Variants in TESPA1 observed in about 807,000 individuals in gnomAD.
TESPA1 encodes thymocyte expressed, positive selection associated 1.
Under a neutral mutation model 57.9 loss-of-function variants are expected in TESPA1, and 33 were observed. The ratio of observed to expected loss-of-function variants is 0.57; its 90% CI spans 0.43 to 0.76. The LOEUF is 0.76. Among genes scored for constraint, TESPA1 ranks in the 30% least tolerant of loss-of-function variants. The pLI, the probability that TESPA1 is intolerant of heterozygous loss-of-function variation, is 0.00. For missense variants in TESPA1, 618 were observed against 632.9 expected (o/e 0.98, Z 0.25); for synonymous variants, 227 against 228.9 (o/e 0.99, Z 0.07).
At chr12:54,967,733 T>C in intron 4 of TESPA1, 110 bp downstream of exon 4, 1 of 1,293,994 alleles carries the variant, frequency 7.7e-7, no homozygotes, top group Middle Eastern at 1.9e-4. Flanking sequence ...ACTCAGGGAC[T>C]CTTTTGCATG....
intron 8 of TESPA1, among the ~76,000 whole-genome samples, 182 bp downstream of exon 8, chr12:54,963,556 ATTTC>A (rs1019746850): frequency 6.6e-6 from 1 of 152,214 alleles, no homozygotes; most frequent in African/African-American, 2.4e-5. Flanking sequence ...CTTAAAGGCT[ATTTC>A]TTTAAGAGAA....
intron 3 of TESPA1, 54 bp from the exon 4 acceptor site, chr12:54,967,946 G>A: frequency 6.2e-7 from 1 of 1,610,702 alleles, no homozygotes; most frequent in Non-Finnish European, 8.5e-7. Context: ...TTTCCAAGGA[G>A]CTTTTTCATG....
intron 1 of TESPA1, among the ~76,000 whole-genome samples, chr12:54,977,167 G>C (rs146767527): frequency 9.2e-5 from 14 of 152,122 alleles, no homozygotes; most frequent in African/African-American, 3.4e-4. Context: ...AGCTCCACGA[G>C]GACAGAAATT....
rs748022523 is a variant in TESPA1 at position 54,973,559 on chromosome 12, G to A, written c.164-40C>T. 11 of 1,613,594 alleles carry A rather than the reference G, an allele frequency of 6.8e-6. No homozygotes were observed. In the Admixed American group the frequency reaches 8.3e-5, roughly 12 times the overall value. ...CACTAGATCACTGTGAGAACTGAAC[G>A]AAATCAGACCTCCTCCCTGCAACTA... On this transcript the variant is annotated intron_variant, in intron 2 of 10. Coordinates refer to ENST00000449076, the MANE Select transcript of TESPA1 (RefSeq NM_001136030.3).
chr12:54,957,818 A>G (rs1223001131), intron 10 of TESPA1, among the ~76,000 whole-genome samples: 1 of 152,224 alleles, frequency 6.6e-6, no homozygotes, highest in East Asian at 1.9e-4. Context: ...ATTTTTTGTA[A>G]GACTCATAAT....
intron 6 of TESPA1, 79 bp from the exon 7 acceptor site, chr12:54,966,230 A>G: frequency 6.4e-7 from 1 of 1,563,080 alleles, no homozygotes; most frequent in Non-Finnish European, 8.7e-7. Context: ...TGCTGGACTT[A>G]TTCACCCCCT....
At chr12:54,978,585 G>C (rs572020791) in intron 1 of TESPA1, among the ~76,000 whole-genome samples, 1 of 152,258 alleles carries the variant, frequency 6.6e-6, no homozygotes, top group African/African-American at 2.4e-5. Context: ...TGGAGCTCCT[G>C]CACATGCGAC....
chr12:54,980,950 T>C (rs1392771857), intron 1 of TESPA1, among the ~76,000 whole-genome samples: 3 of 152,070 alleles, frequency 2.0e-5, no homozygotes, highest in Non-Finnish European at 4.4e-5. Flanking sequence ...CTTCTATACC[T>C]AAGTTTCTTC....
chr12:54,956,835 T>C (rs1192576331), intron 10 of TESPA1, among the ~76,000 whole-genome samples: 3 of 152,056 alleles, frequency 2.0e-5, no homozygotes, highest in African/African-American at 7.2e-5. Context: ...TGGCGGAAGA[T>C]GGAGGGGGAA....
chr12:54,954,834 A>G (rs10876669), intron 10 of TESPA1, among the ~76,000 whole-genome samples: 25,271 of 152,152 alleles, frequency 0.17, 4,086 homozygotes, highest in East Asian at 0.84. Flanking sequence ...CTATTCATCC[A>G]CTGATGGACA....
Position 54,962,484 on chromosome 12 carries a change from C to T in TESPA1, c.1414G>A (p.Glu472Lys), listed in dbSNP as rs766683806. Reference sequence around the variant, plus strand: ...TGCTGGCTTAAAGACCGACGCAGTTCTGGTCTGTCTACACTCTGCTTCCAT... The same window carrying T: ...TGCTGGCTTAAAGACCGACGCAGTTTTGGTCTGTCTACACTCTGCTTCCAT... ...QKWKQSVDRP[E>K]LRRSLSQQPQ... Residue 472 changes from glutamate (E) to lysine (K), a missense_variant, in exon 9 of 11, where the codon GAA becomes AAA. This residue lies in a region of TESPA1 where 409 missense variants were observed against 420.1 expected (regional missense o/e 0.97). Transcript: ENST00000449076. 8 of 1,612,934 alleles carry T rather than the reference C, an allele frequency of 5.0e-6. No individual in the cohort carries two copies. The highest frequency in any genetic ancestry group is 6.8e-6 in the Non-Finnish European group (8 of 1,179,894).
chr12:54,961,302 C>T (rs950214170), intron 9 of TESPA1, 35 bp from the exon 10 acceptor site: 2 of 1,612,462 alleles, frequency 1.2e-6, no homozygotes, highest in African/African-American at 2.7e-5. Flanking sequence ...CAGCCAGAGC[C>T]AAGGGGGAAA....
In TESPA1 at chr12:54,963,096, T is replaced by TGATGGATGGCACATCA; in HGVS notation, c.786_801dup (p.Arg268Ter). The TGATGGATGGCACATCA allele has an allele frequency of 6.2e-7, 1 of 1,613,990 alleles. No individual in the cohort carries two copies. The highest frequency in any genetic ancestry group is 8.5e-7 in the Non-Finnish European group (1 of 1,179,882). ...GGTTCAGGCTCTCGGGACAGAATCC[T>TGATGGATGGCACATCA]GATGGATGGCACATCAGTTGGATGG... On this transcript the variant is annotated stop_gained and frameshift_variant, in exon 9 of 11. Transcript: ENST00000449076. LOFTEE classifies it high-confidence loss of function.
rs755127581 is a variant in TESPA1 at position 54,962,494 on chromosome 12, T to C, written c.1404A>G (p.Val468=). ...AAGACCGACGCAGTTCTGGTCTGTC[T>C]ACACTCTGCTTCCATTTCTGCTGGG... The part of the protein sequence containing the change: ...SITQQKWKQS[V]DRPELRRSLS... The change falls in exon 9 of 11, where the codon GTA becomes GTG. Residue 468 remains valine, a synonymous_variant. Transcript: ENST00000449076. 8.1e-6 allele frequency: 13 copies of C among 1,613,204 alleles called. No individual in the cohort carries two copies. The Admixed American group carries it at 2.0e-4, about 25-fold the overall frequency.
At chr12:54,970,799 A>G (rs1349873087) in intron 3 of TESPA1, among the ~76,000 whole-genome samples, 3 of 152,236 alleles carry the variant, frequency 2.0e-5, no homozygotes, top group Non-Finnish European at 1.5e-5. Flanking sequence ...AACAAATAGT[A>G]GGGAGGAGGG....
intron 4 of TESPA1, among the ~76,000 whole-genome samples, chr12:54,967,454 T>C (rs1197960307): frequency 6.6e-6 from 1 of 151,704 alleles, no homozygotes; most frequent in African/African-American, 2.4e-5. Flanking sequence ...CAATCATACA[T>C]GCATTCACCT....
chr12:54,973,756 G>A, intron 2 of TESPA1: 1 of 1,292,460 alleles, frequency 7.7e-7, no homozygotes, highest in Non-Finnish European at 9.8e-7. Context: ...AAGTGCCCAA[G>A]ATGTCAGGCC....
chr12:54,964,069 C>A, intron 7 of TESPA1, 119 bp from the exon 8 acceptor site: 1 of 1,046,370 alleles, frequency 9.6e-7, no homozygotes, highest in Non-Finnish European at 1.4e-6. Flanking sequence ...CATTTCTCTA[C>A]TTTTCACTGT....
In TESPA1 at chr12:54,962,983, G is replaced by A. The variant is rs761578612; in HGVS notation, c.915C>T (p.Asn305=). 6.2e-6 allele frequency: 10 copies of A among 1,613,524 alleles called. No individual in the cohort carries two copies. Among genetic ancestry groups the A allele is most frequent in the Non-Finnish European group, 8.5e-6 (10 of 1,179,830 alleles). ...CPRDRPPPPH[N]TPKRNSLDQV... ...GGTCCAAACTGTTCCTTTTGGGGGT[G>A]TTGTGGGGTGGTGGTGGCCGGTCTC... The change falls in exon 9 of 11, where the codon AAC becomes AAT. Residue 305 remains asparagine (N), a synonymous_variant. Transcript: ENST00000449076.
Sources: allele counts gnomAD v4.1 joint callset (sites outside exome capture counted in the v4.1 genomes callset), GRCh38; gene constraint gnomAD v4.1.1; regional missense constraint gnomAD v4.1.1; transcripts MANE v1.5; gene names NCBI Gene and HGNC (gene_info 2026-07-23, HGNC 2026-07-21).